Variants in EPHA3 observed in about 807,000 individuals in gnomAD.
EPHA3 encodes EPH receptor A3, also known as ephrin type-A receptor 3.
Under a neutral mutation model 107.1 loss-of-function variants are expected in EPHA3, and 42 were observed. The ratio of observed to expected loss-of-function variants is 0.39; its 90% CI spans 0.31 to 0.51. EPHA3 has a LOEUF of 0.51. EPHA3 is among the 20% of genes least tolerant of loss of function. EPHA3 has a pLI of 0.78. For synonymous variants in EPHA3, 461 were observed against 424.8 expected (o/e 1.09, Z -1.05); for missense variants, 1,183 against 1,211.2 (o/e 0.98, Z 0.35).
intron 3 of EPHA3, among the ~76,000 whole-genome samples, chr3:89,214,672 T>A (rs1001637622): frequency 9.9e-5 from 15 of 151,918 alleles, no homozygotes; most frequent in African/African-American, 3.1e-4. Context: ...TATCTTATTG[T>A]TAAGTGTTAT....
chr3:89,197,959 G>C (rs975101238), intron 2 of EPHA3, among the ~76,000 whole-genome samples: 1 of 151,996 alleles, frequency 6.6e-6, no homozygotes, highest in Non-Finnish European at 1.5e-5. Context: ...CTGGGTGACA[G>C]AGCAAGACCC....
intron 3 of EPHA3, among the ~76,000 whole-genome samples, chr3:89,283,286 G>A (rs1450256795): frequency 2.0e-5 from 3 of 152,102 alleles, no homozygotes; most frequent in Non-Finnish European, 4.4e-5. Context: ...GGAATTCTAA[G>A]TAGGTAGCTT....
chr3:89,136,330 C>CTTGTTTTTTTTTTTTTTTTTTT (rs1704309812), intron 2 of EPHA3, among the ~76,000 whole-genome samples: 1 of 23,370 alleles, frequency 4.3e-5, no homozygotes, highest in Non-Finnish European at 7.8e-5. Context: ...ATCTTACAGG[C>CTTGTTTTTTTTTTTTTTTTTTT]TTTTTTTTTT....
intron 1 of EPHA3, among the ~76,000 whole-genome samples, chr3:89,117,060 C>T (rs746535247): frequency 1.8e-4 from 28 of 152,042 alleles, no homozygotes; most frequent in Admixed American, 2.6e-4. Context: ...AGCAGGGCCT[C>T]AAAAGGGACT....
chr3:89,189,160 G>A (rs1427919625), intron 2 of EPHA3, among the ~76,000 whole-genome samples: 2 of 152,098 alleles, frequency 1.3e-5, no homozygotes, highest in Non-Finnish European at 2.9e-5. Context: ...GGACTAAATG[G>A]GAAGGATTGT....
chr3:89,222,131 T>C (rs1276607499), intron 3 of EPHA3, among the ~76,000 whole-genome samples: 2 of 151,894 alleles, frequency 1.3e-5, no homozygotes, highest in East Asian at 3.9e-4. Flanking sequence ...GAGGACATGA[T>C]TGATAGGAGA....
At chr3:89,299,876 C>T (rs1269171062) in intron 3 of EPHA3, among the ~76,000 whole-genome samples, 4 of 151,940 alleles carry the variant, frequency 2.6e-5, no homozygotes, top group South Asian at 2.1e-4. Context: ...CCGTAAGTAA[C>T]GACTACTCTC....
intron 3 of EPHA3, among the ~76,000 whole-genome samples, chr3:89,229,758 C>A (rs777620496): frequency 6.6e-6 from 1 of 151,424 alleles, no homozygotes. Context: ...TTTTAAATGG[C>A]GAGTTAATTG....
intron 3 of EPHA3, among the ~76,000 whole-genome samples, chr3:89,211,787 T>C (rs868441520): frequency 0.032 from 4,213 of 132,384 alleles, 143 homozygotes; most frequent in Middle Eastern, 0.075. Context: ...TTCTTCTTCT[T>C]CTTCTTCTTC....
At chr3:89,158,950 C>CT (rs966226496) in intron 2 of EPHA3, among the ~76,000 whole-genome samples, 15 of 151,940 alleles carry the variant, frequency 9.9e-5, no homozygotes, top group South Asian at 6.2e-4. Flanking sequence ...GAAATAACTA[C>CT]TTTTTTTTGT....
chr3:89,212,225 A>G (rs1704118834), intron 3 of EPHA3, among the ~76,000 whole-genome samples: 1 of 152,004 alleles, frequency 6.6e-6, no homozygotes, highest in Non-Finnish European at 1.5e-5. Flanking sequence ...AGAGAAGGAT[A>G]CTGTAATATA....
At chr3:89,364,995 G>C (rs1708161196) in intron 5 of EPHA3, among the ~76,000 whole-genome samples, 1 of 150,902 alleles carries the variant, frequency 6.6e-6, no homozygotes, top group African/African-American at 2.4e-5. Flanking sequence ...ACACTGTGCT[G>C]TATGTTGTGG....
At chr3:89,201,199 A>G (rs187010122) in intron 2 of EPHA3, among the ~76,000 whole-genome samples, 251 of 152,222 alleles carry the variant, frequency 1.6e-3, no homozygotes, top group African/African-American at 5.9e-3. Context: ...CAAAGAGGGA[A>G]GGTTTGCACA....
chr3:89,452,811 C>T (rs544164188), intron 15 of EPHA3, among the ~76,000 whole-genome samples: 59 of 152,196 alleles, frequency 3.9e-4, no homozygotes, highest in African/African-American at 1.3e-3. Context: ...CTGCTAGAAG[C>T]TTTACAGTAT....
chr3:89,314,922 A>G (rs901795491), intron 3 of EPHA3, among the ~76,000 whole-genome samples: 5 of 151,904 alleles, frequency 3.3e-5, no homozygotes, highest in African/African-American at 9.7e-5. Context: ...ACAAACCTAG[A>G]TAGTATAGCT....
chr3:89,327,156 T>C (rs932256613), intron 3 of EPHA3, among the ~76,000 whole-genome samples: 2 of 152,162 alleles, frequency 1.3e-5, no homozygotes, highest in Non-Finnish European at 2.9e-5. Context: ...TTTAAACACA[T>C]GTAGAATGTG....
intron 3 of EPHA3, among the ~76,000 whole-genome samples, chr3:89,244,610 A>G (rs1334695565): frequency 6.6e-6 from 1 of 152,218 alleles, no homozygotes; most frequent in Non-Finnish European, 1.5e-5. Flanking sequence ...ATGAATATGA[A>G]TATGAGAAAA....
In EPHA3 at chr3:89,180,503, G is replaced by A. The variant is rs574864693; in HGVS notation, c.154-29357G>A. ...AAGCCACAGCATTATGATGCATTGGGTCAAATATTGTTTTGACATTGTGCT... is the reference window on the plus strand; with the variant it reads ...AAGCCACAGCATTATGATGCATTGGATCAAATATTGTTTTGACATTGTGCT... On this transcript the variant is annotated intron_variant, in intron 2 of 16. Coordinates refer to ENST00000336596, the MANE Select transcript of EPHA3 (RefSeq NM_005233.6). 1.8e-4 allele frequency among the ~76,000 whole-genome samples: 27 copies of A among 152,038 alleles called. No individual in the cohort carries two copies. The South Asian group carries it at 3.5e-3, about 20-fold the overall frequency.
chr3:89,427,003 T>C (rs1709470183), intron 11 of EPHA3, among the ~76,000 whole-genome samples: 1 of 151,888 alleles, frequency 6.6e-6, no homozygotes, highest in Non-Finnish European at 1.5e-5. Context: ...TCCCTTTCTT[T>C]TTGAATATTG....
Sources: gnomAD v4.1 joint callset for allele counts (sites outside exome capture counted in the v4.1 genomes callset) on GRCh38, gnomAD v4.1.1 for gene constraint, MANE v1.5 for transcripts, NCBI Gene and HGNC (gene_info 2026-07-23, HGNC 2026-07-21) for gene names.